The following ZNF532 variants were observed in gnomAD, a reference collection of about 807,000 sequenced individuals.
The protein encoded by ZNF532 is zinc finger protein 532.
Under a neutral mutation model 89.3 loss-of-function variants are expected in ZNF532, and 22 were observed. That is an observed-to-expected ratio of 0.25 (90% CI 0.18 to 0.35). The LOEUF (loss-of-function observed/expected upper bound fraction) is 0.35. Among genes scored for constraint, ZNF532 ranks in the 10% least tolerant of loss-of-function variants. The pLI is 1.00. For missense variants in ZNF532, 1,132 were observed against 1,643.4 expected, an observed-to-expected ratio of 0.69 and a Z score of 5.38; for synonymous variants, 606 against 649.6, an observed-to-expected ratio of 0.93 and a Z score of 1.02.
chr18:58,973,582 G>A (rs1460299079), intron 7 of ZNF532, among the ~76,000 whole-genome samples: 3 of 152,170 alleles, frequency 2.0e-5, no homozygotes, highest in Admixed American at 6.5e-5. Context: ...GGGGACAGCC[G>A]CTCTGGAAAA....
chr18:58,978,036 T>A (rs1419736736), intron 7 of ZNF532, among the ~76,000 whole-genome samples: 1 of 152,250 alleles, frequency 6.6e-6, no homozygotes, highest in Non-Finnish European at 1.5e-5. Context: ...CTGCTATGCA[T>A]GTCATAACCA....
chr18:58,980,270 A>T (rs2067590832), intron 8 of ZNF532: 1 of 152,228 alleles, frequency 6.6e-6, no homozygotes, highest in South Asian at 2.1e-4. Flanking sequence ...AAAGAATCAG[A>T]ATTTAGAAGG....
At chr18:58,917,279 C>T (rs2060665670) in intron 2 of ZNF532, among the ~76,000 whole-genome samples, 1 of 152,172 alleles carries the variant, frequency 6.6e-6, no homozygotes, top group Non-Finnish European at 1.5e-5. Flanking sequence ...AACCCAGTGC[C>T]TGTCTTGGTG....
At position 58,984,418 on chromosome 18, in the gene ZNF532, C is replaced by A; in HGVS notation, c.3858C>A (p.His1286Gln). ...EAALNTHMRT[H>Q]GMAFIKSKRM... ...CCTTAAATACTCACATGCGGACACA[C>A]GGCATGGCCTTCATCAAATCCAAAA... The change falls in exon 10 of 10, where the codon CAC becomes CAA. Residue 1286 changes from histidine to glutamine, a missense_variant. Physicochemically the swap from His to Gln is conservative, Grantham distance 24. Transcript: ENST00000591808. The A allele has an allele frequency of 1.2e-6, 2 of 1,611,670 alleles. No individual in the cohort carries two copies. Among genetic ancestry groups the A allele is most frequent in the Non-Finnish European group, 1.7e-6 (2 of 1,179,570 alleles).
At chr18:58,888,996 C>T (rs2058701164) in intron 2 of ZNF532, among the ~76,000 whole-genome samples, 1 of 138,302 alleles carries the variant, frequency 7.2e-6, no homozygotes, top group Admixed American at 8.2e-5. Context: ...GGAATATTTA[C>T]ATTATACTCA....
chr18:58,866,069 C>T (rs534932933), intron 2 of ZNF532, among the ~76,000 whole-genome samples: 6 of 152,184 alleles, frequency 3.9e-5, no homozygotes, highest in African/African-American at 1.4e-4. Context: ...TTTTTCACTC[C>T]GACTCAAGTG....
intron 2 of ZNF532, among the ~76,000 whole-genome samples, chr18:58,913,806 T>C (rs1410557549): frequency 6.6e-6 from 1 of 152,144 alleles, no homozygotes; most frequent in Non-Finnish European, 1.5e-5. Flanking sequence ...TTTCTCTAAG[T>C]AGGACTGTTA....
intron 5 of ZNF532, among the ~76,000 whole-genome samples, chr18:58,946,820 A>G (rs1408047482): frequency 1.3e-5 from 2 of 152,108 alleles, no homozygotes; most frequent in Non-Finnish European, 2.9e-5. Context: ...ACCTTGTAAA[A>G]ACAGGCCAAT....
rs528279350 is a variant in ZNF532, at chr18:58,975,625, C to T, written c.3151-3430C>T. Among the ~76,000 whole-genome samples the T allele has an allele frequency of 1.8e-3, 272 of 152,184 alleles. 2 individuals are homozygous for T. Among genetic ancestry groups the T allele is most frequent in the Non-Finnish European group, 3.2e-3 (215 of 68,006 alleles). ...AGCATAGTCACTGGAGAAAAGGAGG[C>T]GGGATTAATGCTTTCTTTCCTGAAG... On this transcript the variant is annotated intron_variant, in intron 7 of 9. Coordinates refer to ENST00000591808, the MANE Select transcript of ZNF532 (RefSeq NM_001375912.1).
intron 2 of ZNF532, among the ~76,000 whole-genome samples, chr18:58,869,417 TA>T (rs1387631756): frequency 1.3e-5 from 2 of 152,236 alleles, no homozygotes; most frequent in Non-Finnish European, 2.9e-5. Context: ...CTGCAAGTGG[TA>T]AAATATCCTT....
intron 2 of ZNF532, among the ~76,000 whole-genome samples, chr18:58,901,543 T>A (rs1207798587): frequency 6.6e-6 from 1 of 152,208 alleles, no homozygotes; most frequent in Non-Finnish European, 1.5e-5. Context: ...TTTACTATGA[T>A]GCATTTGCTC....
At chr18:58,940,963 TTCTCTCTCTCTC>T (rs140521782) in intron 5 of ZNF532, among the ~76,000 whole-genome samples, 1,418 of 105,282 alleles carry the variant, frequency 0.013, 14 homozygotes, top group Non-Finnish European at 0.02. Flanking sequence ...CACACACTCT[TTCTCTCTCTCTC>T]TCTCTCTCTC....
intron 2 of ZNF532, among the ~76,000 whole-genome samples, chr18:58,888,715 A>ATATAAAAATTATATATATATATAATT (rs71173094): frequency 2.1e-5 from 1 of 46,760 alleles, no homozygotes; most frequent in African/African-American, 1.2e-4. Context: ...ATATATATAT[A>ATATAAAAATTATATATATATATAATT]TATATATATA....
Position 58,918,839 on chromosome 18 carries a change from C to T in ZNF532, c.552C>T (p.Ser184=). 1 of 1,614,156 alleles carries T rather than the reference C, an allele frequency of 6.2e-7. No homozygotes were observed. The change falls in exon 3 of 10, where the codon TCC becomes TCT. Residue 184 remains serine, a synonymous_variant. Transcript: ENST00000591808. ...DKLKALGGEN[S]SKTGLSTSGN... is the part of the protein sequence containing the mutation. ...TGAAGGCACTCGGAGGGGAAAACTCCAGCAAAACTGGACTCTCTACGTCAG... is the reference window on the plus strand; with the variant it reads ...TGAAGGCACTCGGAGGGGAAAACTCTAGCAAAACTGGACTCTCTACGTCAG...
chr18:58,921,234 T>C (rs980680789), intron 3 of ZNF532, among the ~76,000 whole-genome samples: 5 of 152,196 alleles, frequency 3.3e-5, no homozygotes, highest in Non-Finnish European at 7.3e-5. Flanking sequence ...GAATGTATAT[T>C]GAAAGTCTGA....
chr18:58,948,260 G>T, intron 6 of ZNF532, 31 bp downstream of exon 6: 1 of 1,574,082 alleles, frequency 6.4e-7, no homozygotes, highest in South Asian at 1.2e-5. Context: ...TACTTTAAAT[G>T]AATTGCAGAT....
chr18:58,918,249 C>T (rs759197968), intron 2 of ZNF532, 22 bp from the exon 3 acceptor site: 26 of 1,585,936 alleles, frequency 1.6e-5, no homozygotes, highest in Non-Finnish European at 1.2e-5. Context: ...ACTGATGGAA[C>T]TATTTTCTGC....
At chr18:58,974,858 GT>G (rs796368803) in intron 7 of ZNF532, among the ~76,000 whole-genome samples, 1 of 152,154 alleles carries the variant, frequency 6.6e-6, no homozygotes, top group Non-Finnish European at 1.5e-5. Flanking sequence ...AAAGTGCAGT[GT>G]TTTTTGCATT....
At chr18:58,888,724 T>TATATA (rs753186648) in intron 2 of ZNF532, among the ~76,000 whole-genome samples, 33 of 37,818 alleles carry the variant, frequency 8.7e-4, no homozygotes, top group East Asian at 4.2e-3. Flanking sequence ...TATATATATA[T>TATATA]AAATTATATA....
Sources: gnomAD v4.1 joint callset for allele counts (sites outside exome capture counted in the v4.1 genomes callset) on GRCh38, gnomAD v4.1.1 for gene constraint, MANE v1.5 for transcripts, NCBI Gene and HGNC (gene_info 2026-07-23, HGNC 2026-07-21) for gene names.